The following NALF1 variants were observed in gnomAD, a reference collection of about 807,000 sequenced individuals.
The protein encoded by NALF1 is family with sequence similarity 155 member A.
In NALF1, 3 loss-of-function variants were observed where a neutral mutation model predicts 48.4. The ratio of observed to expected loss-of-function variants is 0.06; its 90% CI spans 0.03 to 0.16. The LOEUF is 0.16. Ranked by LOEUF, NALF1 falls within the 10% of genes least tolerant of loss-of-function variation. The probability of loss-of-function intolerance (pLI) is 1.00; values close to 1 mark genes in which losing one functional copy is unlikely to be tolerated. For missense variants in NALF1, 526 were observed against 571.5 expected (o/e 0.92, Z 0.81); for synonymous variants, 262 against 245.7 (o/e 1.07, Z -0.62).
chr13:107,357,570 G>C (rs547971911), intron 1 of NALF1, among the ~76,000 whole-genome samples: 12 of 152,274 alleles, frequency 7.9e-5, no homozygotes, highest in African/African-American at 2.9e-4. Flanking sequence ...TTCAGAGAGA[G>C]AGAAATTACT....
At chr13:107,319,706 A>C (rs1882217640) in intron 1 of NALF1, among the ~76,000 whole-genome samples, 1 of 152,124 alleles carries the variant, frequency 6.6e-6, no homozygotes, top group South Asian at 2.1e-4. Context: ...TGAAGGTTTA[A>C]ATTACTTTTC....
intron 1 of NALF1, among the ~76,000 whole-genome samples, chr13:107,471,709 TATCTG>T (rs1885104021): frequency 2.0e-5 from 3 of 152,228 alleles, no homozygotes; most frequent in Non-Finnish European, 4.4e-5. Flanking sequence ...TCTGTTTTGC[TATCTG>T]AAGAATTAGA....
intron 1 of NALF1, among the ~76,000 whole-genome samples, chr13:107,823,660 C>G (rs1445230509): frequency 1.3e-5 from 2 of 152,136 alleles, no homozygotes; most frequent in African/African-American, 4.8e-5. Context: ...AAGGTTAATT[C>G]TTCAAAGAGG....
chr13:107,492,510 A>T (rs1472383619), intron 1 of NALF1, among the ~76,000 whole-genome samples: 2 of 151,768 alleles, frequency 1.3e-5, no homozygotes, highest in African/African-American at 4.8e-5. Flanking sequence ...CATTCTATAA[A>T]CCCTCTCTCA....
intron 1 of NALF1, among the ~76,000 whole-genome samples, chr13:107,438,827 C>CA (rs61686895): frequency 0.072 from 1,285 of 17,870 alleles, 173 homozygotes; most frequent in South Asian, 0.15. Flanking sequence ...GACTCCATCT[C>CA]AAAAAAAAAA....
At chr13:107,606,973 T>C (rs1417389081) in intron 1 of NALF1, among the ~76,000 whole-genome samples, 3 of 152,224 alleles carry the variant, frequency 2.0e-5, no homozygotes, top group African/African-American at 7.2e-5. Flanking sequence ...CTAGGCTGCT[T>C]ATAATTGGAG....
intron 1 of NALF1, among the ~76,000 whole-genome samples, chr13:107,411,394 C>T (rs546174025): frequency 1.3e-5 from 2 of 151,610 alleles, no homozygotes; most frequent in Admixed American, 6.6e-5. Flanking sequence ...TCACTGCACC[C>T]TTGACCTCCT....
intron 1 of NALF1, among the ~76,000 whole-genome samples, chr13:107,859,327 A>G (rs1468008213): frequency 6.6e-6 from 1 of 152,216 alleles, no homozygotes; most frequent in African/African-American, 2.4e-5. Flanking sequence ...GCTAAGATCA[A>G]TAACGGTATT....
At chr13:107,534,090 T>C (rs951618743) in intron 1 of NALF1, among the ~76,000 whole-genome samples, 6 of 152,016 alleles carry the variant, frequency 3.9e-5, no homozygotes, top group African/African-American at 1.2e-4. Flanking sequence ...AATGTGGTCA[T>C]TGGCCCAGTG....
chr13:107,309,147 C>A, intron 1 of NALF1, among the ~76,000 whole-genome samples: 1 of 53,156 alleles, frequency 1.9e-5, no homozygotes, highest in South Asian at 7.6e-4. Flanking sequence ...ACTTATTTTT[C>A]TAACTGTTGA....
intron 1 of NALF1, among the ~76,000 whole-genome samples, chr13:107,616,049 T>C (rs1879369617): frequency 6.6e-6 from 1 of 152,068 alleles, no homozygotes. Flanking sequence ...CGCACAAAAA[T>C]TTGCAATAAA....
rs146767464 is a variant in NALF1, at chr13:107,728,072, T to A, written c.915+137610A>T. On this transcript the variant is annotated intron_variant, in intron 1 of 2. Transcript: ENST00000375915. ...GAGGATGTGGAGAAATAGAAACACT[T>A]TTACACTGTTGGTGGGAGTGTAAAT... Among the ~76,000 whole-genome samples the A allele has an allele frequency of 5.7e-3, 870 of 152,270 alleles. 3 individuals carry two copies. The highest frequency in any genetic ancestry group is 7.8e-3 in the Non-Finnish European group (531 of 68,024).
intron 1 of NALF1, among the ~76,000 whole-genome samples, chr13:107,823,075 C>T (rs1879405311): frequency 6.6e-6 from 1 of 152,156 alleles, no homozygotes; most frequent in South Asian, 2.1e-4. Flanking sequence ...TTGTCAAAAG[C>T]ATTTGTTTAG....
intron 1 of NALF1, among the ~76,000 whole-genome samples, chr13:107,293,618 T>C (rs1387805825): frequency 6.6e-6 from 1 of 152,210 alleles, no homozygotes; most frequent in Non-Finnish European, 1.5e-5. Context: ...ATTGTAATGG[T>C]CACTTGAACT....
chr13:107,403,211 T>TTTTTTTTTTTTTTTTTTTG (rs1883841548), intron 1 of NALF1, among the ~76,000 whole-genome samples: 1 of 130,974 alleles, frequency 7.6e-6, no homozygotes, highest in African/African-American at 3.0e-5. Flanking sequence ...TTTTTTTTTT[T>TTTTTTTTTTTTTTTTTTTG]TTTTTTTATC....
chr13:107,849,782 TTTTC>T (rs1232546173), intron 1 of NALF1, among the ~76,000 whole-genome samples: 1 of 152,202 alleles, frequency 6.6e-6, no homozygotes, highest in Non-Finnish European at 1.5e-5. Context: ...TCTTTTCCTT[TTTTC>T]TTTCTTTTCT....
At chr13:107,706,447 C>A (rs1411444046) in intron 1 of NALF1, among the ~76,000 whole-genome samples, 1 of 152,162 alleles carries the variant, frequency 6.6e-6, no homozygotes, top group Non-Finnish European at 1.5e-5. Context: ...CACATGCATT[C>A]TTTTTAAGAA....
chr13:107,621,847 T>A (rs1303977459), intron 1 of NALF1, among the ~76,000 whole-genome samples: 2 of 152,260 alleles, frequency 1.3e-5, no homozygotes, highest in Admixed American at 6.5e-5. Context: ...GATGCAAGCT[T>A]AAGTCTAGAT....
At chr13:107,535,653 A>C (rs1876781604) in intron 1 of NALF1, among the ~76,000 whole-genome samples, 1 of 152,152 alleles carries the variant, frequency 6.6e-6, no homozygotes, top group Non-Finnish European at 1.5e-5. Context: ...CGTACTGCCC[A>C]AGGTAATTTA....
Sources: gnomAD v4.1 joint callset for allele counts (sites outside exome capture counted in the v4.1 genomes callset) on GRCh38, gnomAD v4.1.1 for gene constraint, MANE v1.5 for transcripts, NCBI Gene and HGNC (gene_info 2026-07-23, HGNC 2026-07-21) for gene names.